Variants in MUC4 observed in about 807,000 individuals in gnomAD.
The protein encoded by MUC4 is mucin-4.
MUC4 carries 202 observed loss-of-function variants against 257.9 expected under a neutral mutation model. The ratio of observed to expected loss-of-function variants is 0.78; its 90% CI spans 0.70 to 0.88. The LOEUF (loss-of-function observed/expected upper bound fraction) is 0.88. MUC4 is among the 40% of genes least tolerant of loss of function. The probability of loss-of-function intolerance (pLI) is 0.00; values close to 1 mark genes in which losing one functional copy is unlikely to be tolerated. For synonymous variants in MUC4, 2,351 were observed against 2,757.1 expected (o/e 0.85, Z 4.62); for missense variants, 5,976 against 6,513.7 (o/e 0.92, Z 2.84).
At position 195,762,637 on chromosome 3, in the gene MUC4, CACCGG is replaced by C. The variant is rs1336060536; in HGVS notation, c.14344+213_14344+217del. ...ACGCACCCGGCCCTGCACCGCCACG[CACCGG>C]GCCCTGCACCGCCACGCACCGGGCC... On this transcript the variant is annotated intron_variant, in intron 13 of 24. Transcript: ENST00000463781. 6.3e-3 allele frequency among the ~76,000 whole-genome samples: 896 copies of C among 141,814 alleles called. 44 individuals are homozygous for C. Among genetic ancestry groups the C allele is most frequent in the South Asian group, 0.011 (51 of 4,590 alleles). 93.0% of individuals were successfully genotyped at this position (141,814 alleles called of 152,430 possible).
At chr3:195,773,380 T>C (rs1560279001) in intron 4 of MUC4, among the ~76,000 whole-genome samples, 1 of 149,624 alleles carries the variant, frequency 6.7e-6, no homozygotes, top group Non-Finnish European at 1.5e-5. Context: ...TCTCCATCAC[T>C]CAGGGGTGCA....
intron 2 of MUC4, 139 bp downstream of exon 2, chr3:195,778,651 C>G: frequency 8.0e-7 from 1 of 1,253,060 alleles, no homozygotes; most frequent in Non-Finnish European, 1.1e-6. Context: ...ACCCACCACA[C>G]CCATCACCTC....
At chr3:195,767,545 A>G (rs1578060475) in intron 7 of MUC4, among the ~76,000 whole-genome samples, 2 of 123,354 alleles carry the variant, frequency 1.6e-5, no homozygotes, top group African/African-American at 4.3e-5. Context: ...CACCATCATC[A>G]CCATCACCAT....
At position 195,779,232 on chromosome 3, in the gene MUC4, G is replaced by A. The variant is rs571808737; in HGVS notation, c.12348C>T (p.Thr4116=). The change falls in exon 2 of 25, where the codon ACC becomes ACT. Residue 4116 remains threonine, a synonymous_variant. Coordinates refer to ENST00000463781, the MANE Select transcript of MUC4 (RefSeq NM_018406.7). The part of the protein sequence containing the change: ...STGDTTPLPV[T]DTSSASTGQA... Reference sequence around the variant, plus strand: ...GACCTGTGGATGCAGAGGAAGTGTCGGTGACAGGAAGAGGCGTGGTGTCAC... The same window carrying A: ...GACCTGTGGATGCAGAGGAAGTGTCAGTGACAGGAAGAGGCGTGGTGTCAC... 3.1e-5 allele frequency: 43 copies of A among 1,379,046 alleles called. 12 individuals carry two copies. The highest frequency in any genetic ancestry group is 4.5e-5 in the Admixed American group (2 of 44,164). 85.4% of individuals were successfully genotyped at this position (1,379,046 alleles called of 1,614,324 possible).
intron 24 of MUC4, among the ~76,000 whole-genome samples, chr3:195,747,874 A>C (rs1194059140): frequency 6.6e-6 from 1 of 152,246 alleles, no homozygotes; most frequent in East Asian, 1.9e-4. Flanking sequence ...AAACAAAAAC[A>C]AAAACCTGGT....
At chr3:195,804,211 G>C (rs1411136206) in intron 1 of MUC4, among the ~76,000 whole-genome samples, 4 of 152,238 alleles carry the variant, frequency 2.6e-5, no homozygotes, top group African/African-American at 9.6e-5. Flanking sequence ...ACGTCAGCCA[G>C]AGATCTCCCA....
intron 3 of MUC4, among the ~76,000 whole-genome samples, chr3:195,777,674 C>T (rs1313357777): frequency 5.7e-4 from 21 of 36,878 alleles, no homozygotes; most frequent in Admixed American, 7.0e-4. Flanking sequence ...ACCTTCCACA[C>T]CCATACCTTC....
At position 195,789,740 on chromosome 3, in the gene MUC4, G is replaced by T; in HGVS notation, c.1840C>A (p.Pro614Thr). ...TGTATTGTTGAATGATTTGTTGATG[G>T]TGCCGTTGTAATTTGTTGGGATGTG... ...RHTSQQITTA[P>T]STNHSTIHST... is the part of the protein sequence containing the mutation. The change falls in exon 2 of 25, where the codon CCA becomes ACA. Residue 614 changes from proline (P) to threonine (T), a missense_variant. By Grantham distance (38) the Pro-to-Thr change is conservative. This residue lies in a region of MUC4 where 1,583 missense variants were observed against 1,257.4 expected (regional missense o/e 1.26). Coordinates refer to ENST00000463781, the MANE Select transcript of MUC4 (RefSeq NM_018406.7). 6.2e-7 allele frequency: 1 copy of T among 1,613,938 alleles called. No individual in the cohort carries two copies. Among genetic ancestry groups the T allele is most frequent in the Non-Finnish European group, 8.5e-7 (1 of 1,179,852 alleles).
intron 1 of MUC4, among the ~76,000 whole-genome samples, chr3:195,802,377 G>C (rs1735438684): frequency 3.0e-5 from 1 of 33,392 alleles, no homozygotes; most frequent in Non-Finnish European, 7.8e-5. Context: ...TGCTGACTCG[G>C]GTTCCGCACC....
chr3:195,755,877 GCA>G lies in MUC4; in HGVS notation c.15168+1268_15168+1269del, dbSNP rs1191157252. ...TGTGTGTGTGTCTGTGTGTGCGTGT[GCA>G]TGCGTGTGTGTGTAAGTGGTGAAGG... is the stretch of plus-strand genomic sequence containing the variant. On this transcript the variant is annotated intron_variant, in intron 18 of 24. Transcript: ENST00000463781. This position sits in a 1 kb window ranked among gnomAD's most constrained non-coding sequence, Gnocchi z 5.0. Among the ~76,000 whole-genome samples, 7 of 152,084 alleles carry G rather than the reference GCA, an allele frequency of 4.6e-5. No homozygotes were observed. The highest frequency in any genetic ancestry group is 1.7e-4 in the African/African-American group (7 of 41,408).
chr3:195,767,468 CCACCATCACCAT>C (rs1398853127), intron 7 of MUC4, among the ~76,000 whole-genome samples: 1 of 140,202 alleles, frequency 7.1e-6, no homozygotes, highest in Admixed American at 7.1e-5. Context: ...AACACTACCA[CCACCATCACCAT>C]CACCACCACC....
chr3:195,747,424 C>T, intron 24 of MUC4, 44 bp from the exon 25 acceptor site: 4 of 1,584,638 alleles, frequency 2.5e-6, no homozygotes, highest in Non-Finnish European at 3.5e-6. Flanking sequence ...GGCGGGAGCT[C>T]AGCCTCCCAG....
In MUC4 at chr3:195,766,683, C is replaced by G; in HGVS notation, c.13598G>C (p.Arg4533Thr). ...TTTACCTGAGTTGGAATTCAGGAAT[C>G]TATCAGGGCGATACCTCTCCCACAC... ...QPVWERYRPD[R>T]FLNSNSGLQG... The change falls in exon 8 of 25, where the codon AGA becomes ACA. Residue 4533 changes from arginine to threonine, a missense_variant. Arg to Thr is a moderately conservative substitution (Grantham distance 71, BLOSUM62 -1). Transcript: ENST00000463781. 1 of 1,614,184 alleles carries G rather than the reference C, an allele frequency of 6.2e-7. No homozygotes were observed. Among genetic ancestry groups the G allele is most frequent in the Non-Finnish European group, 8.5e-7 (1 of 1,180,026 alleles).
Position 195,784,263 on chromosome 3 carries a change from G to T in MUC4, c.7317C>A (p.Ser2439=). ...DTTRLPVTNV[S]SASTGHATPL... Reference sequence around the variant, plus strand: ...GGGTGGCATGACCTGTGGATGCCGAGGAAACGTTGGTGACAGGAAGACGGG... The same window carrying T: ...GGGTGGCATGACCTGTGGATGCCGATGAAACGTTGGTGACAGGAAGACGGG... Residue 2439 remains serine (S), a synonymous_variant, in exon 2 of 25, where the codon TCC becomes TCA. Coordinates refer to ENST00000463781, the MANE Select transcript of MUC4 (RefSeq NM_018406.7). 7.3e-7 allele frequency: 1 copy of T among 1,375,734 alleles called. No homozygotes were observed. Among genetic ancestry groups the T allele is most frequent in the Non-Finnish European group, 9.9e-7 (1 of 1,009,540 alleles). 85.2% of individuals were successfully genotyped at this position (1,375,734 alleles called of 1,614,324 possible).
At chr3:195,764,541 G>A (rs1560252809) in intron 10 of MUC4, among the ~76,000 whole-genome samples, 3 of 152,096 alleles carry the variant, frequency 2.0e-5, no homozygotes, top group Non-Finnish European at 4.4e-5. Flanking sequence ...TGCTGGGAGT[G>A]GGGAGGGCAC....
At chr3:195,762,818 G>C (rs1293493782) in intron 13 of MUC4, 37 bp downstream of exon 13, 1 of 1,497,230 alleles carries the variant, frequency 6.7e-7, no homozygotes, top group Admixed American at 2.0e-5. Context: ...CGCTGCTCCC[G>C]GTGCGGGGAG....
intron 18 of MUC4, among the ~76,000 whole-genome samples, chr3:195,754,914 A>G (rs560546367): frequency 7.7e-4 from 86 of 111,476 alleles, no homozygotes; most frequent in African/African-American, 2.8e-3. Context: ...TGTGTGTGTC[A>G]TGCATGTATG....
intron 7 of MUC4, among the ~76,000 whole-genome samples, chr3:195,767,274 C>T (rs1222123457): frequency 6.6e-6 from 1 of 152,056 alleles, no homozygotes; most frequent in African/African-American, 2.4e-5. Context: ...ATCTACCTCA[C>T]TGTATTGTGA....
At chr3:195,766,075 CTCA>C (rs1720409508) in intron 8 of MUC4, among the ~76,000 whole-genome samples, 1 of 152,178 alleles carries the variant, frequency 6.6e-6, no homozygotes, top group East Asian at 1.9e-4. Flanking sequence ...ATTCTCCTGC[CTCA>C]ACCTATTGAG....
Sources: allele counts gnomAD v4.1 joint callset (sites outside exome capture counted in the v4.1 genomes callset), GRCh38; gene constraint gnomAD v4.1.1; regional missense constraint gnomAD v4.1.1; non-coding constraint Gnocchi (gnomAD v3.1); transcripts MANE v1.5; gene names NCBI Gene and HGNC (gene_info 2026-07-23, HGNC 2026-07-21).